The following GNG2 variants were observed in gnomAD, a reference collection of about 807,000 sequenced individuals.
The protein encoded by GNG2 is guanine nucleotide-binding protein G(I)/G(S)/G(O) subunit gamma-2.
Under a neutral mutation model 5.5 loss-of-function variants are expected in GNG2, and 5 were observed. That is an observed-to-expected ratio of 0.91 (90% CI 0.48 to 1.92). The LOEUF is 1.92. Ranked by LOEUF, GNG2 falls within the 30% of genes most tolerant of loss-of-function variation. GNG2 has a pLI of 0.01. For missense variants in GNG2, 55 were observed against 88.4 expected, an observed-to-expected ratio of 0.62 and a Z score of 1.52; for synonymous variants, 28 against 32.0, an observed-to-expected ratio of 0.88 and a Z score of 0.42.
At chr14:51,943,892 A>G (rs535854785) in intron 2 of GNG2, among the ~76,000 whole-genome samples, 1 of 152,336 alleles carries the variant, frequency 6.6e-6, no homozygotes, top group South Asian at 2.1e-4. Context: ...ATTCACTGCA[A>G]TCCATTTCAA....
At position 51,964,223 on chromosome 14, in the gene GNG2, A is replaced by G. The variant is rs74501409; in HGVS notation, c.88-2336A>G. Among the ~76,000 whole-genome samples the G allele has an allele frequency of 8.1e-3, 1,227 of 152,318 alleles. 20 individuals are homozygous for G. The highest frequency in any genetic ancestry group is 0.028 in the African/African-American group (1,150 of 41,574). On this transcript the variant is annotated intron_variant, in intron 3 of 3. Coordinates refer to ENST00000556766, the MANE Select transcript of GNG2 (RefSeq NM_053064.5). ...AGATTGCCAGCAACCACCAGGCACT[A>G]GGAGAGAAGCATGGAACAGATTCTC...
At chr14:51,893,809 A>C (rs1885011737) in intron 2 of GNG2, among the ~76,000 whole-genome samples, 1 of 152,172 alleles carries the variant, frequency 6.6e-6, no homozygotes, top group Non-Finnish European at 1.5e-5. Flanking sequence ...CCAAACAGCC[A>C]ACTCCATGAC....
chr14:51,836,907 G>C (rs1187010397), intron 2 of GNG2, among the ~76,000 whole-genome samples: 2 of 143,332 alleles, frequency 1.4e-5, no homozygotes, highest in African/African-American at 5.2e-5. Context: ...GCCCAGGCCA[G>C]AGTGCAGTGG....
intron 2 of GNG2, among the ~76,000 whole-genome samples, chr14:51,936,836 C>A (rs1594937506): frequency 6.6e-6 from 1 of 152,214 alleles, no homozygotes; most frequent in Middle Eastern, 3.4e-3. Flanking sequence ...AGTCACCACA[C>A]CTAGCTGTGA....
At chr14:51,894,899 C>T (rs1384131233) in intron 2 of GNG2, among the ~76,000 whole-genome samples, 1 of 151,934 alleles carries the variant, frequency 6.6e-6, no homozygotes, top group Non-Finnish European at 1.5e-5. Flanking sequence ...TCATAGTAAA[C>T]CCATTCAAAT....
At chr14:51,868,983 T>C (rs1293632502) in intron 1 of GNG2, among the ~76,000 whole-genome samples, 2 of 152,224 alleles carry the variant, frequency 1.3e-5, no homozygotes, top group African/African-American at 2.4e-5. Flanking sequence ...CTTGATATTA[T>C]CTTTATTTGA....
intron 2 of GNG2, among the ~76,000 whole-genome samples, chr14:51,834,968 G>T (rs1430525227): frequency 2.6e-5 from 4 of 152,184 alleles, no homozygotes; most frequent in African/African-American, 7.2e-5. Context: ...AGTGCTAAAA[G>T]AGCCGAGGGC....
intron 2 of GNG2, among the ~76,000 whole-genome samples, chr14:51,900,518 T>C (rs1733358111): frequency 6.6e-6 from 1 of 150,598 alleles, no homozygotes; most frequent in Admixed American, 6.7e-5. Flanking sequence ...GGGGTTATTT[T>C]TTCATTCAAA....
intron 2 of GNG2, among the ~76,000 whole-genome samples, chr14:51,924,772 T>G (rs1306916947): frequency 6.6e-6 from 1 of 152,242 alleles, no homozygotes; most frequent in African/African-American, 2.4e-5. Context: ...TGTAAATAAT[T>G]GGAGGTAAAC....
chr14:51,924,107 G>A (rs1485954722), intron 2 of GNG2, among the ~76,000 whole-genome samples: 1 of 152,144 alleles, frequency 6.6e-6, no homozygotes, highest in Non-Finnish European at 1.5e-5. Flanking sequence ...ACATCATATT[G>A]AGATTGGCTT....
At chr14:51,840,305 T>G (rs1274143926) in intron 2 of GNG2, among the ~76,000 whole-genome samples, 1 of 152,208 alleles carries the variant, frequency 6.6e-6, no homozygotes, top group East Asian at 1.9e-4. Flanking sequence ...GTACAGTGTC[T>G]GTTGCATCTT....
At chr14:51,891,665 A>G (rs972354495) in intron 2 of GNG2, among the ~76,000 whole-genome samples, 1 of 152,206 alleles carries the variant, frequency 6.6e-6, no homozygotes, top group African/African-American at 2.4e-5. Flanking sequence ...AATAAATGAC[A>G]TCATGCTTCT....
At chr14:51,927,488 C>CA (rs778652507) in intron 2 of GNG2, among the ~76,000 whole-genome samples, 4 of 152,206 alleles carry the variant, frequency 2.6e-5, no homozygotes, top group East Asian at 3.9e-4. Flanking sequence ...CTCTGAAAAA[C>CA]AAAAAAATGC....
chr14:51,905,565 A>G (rs1885862463), intron 2 of GNG2, among the ~76,000 whole-genome samples: 1 of 152,222 alleles, frequency 6.6e-6, no homozygotes, highest in Non-Finnish European at 1.5e-5. Flanking sequence ...TTACTCTTTC[A>G]GTCTGAATGA....
At chr14:51,954,780 C>T (rs1454611525) in intron 3 of GNG2, among the ~76,000 whole-genome samples, 1 of 152,126 alleles carries the variant, frequency 6.6e-6, no homozygotes, top group African/African-American at 2.4e-5. Flanking sequence ...GATGGCTGCC[C>T]ATGGTTCCCA....
chr14:51,851,117 G>T (rs1881888763), intron 2 of GNG2, among the ~76,000 whole-genome samples: 1 of 152,180 alleles, frequency 6.6e-6, no homozygotes, highest in South Asian at 2.1e-4. Flanking sequence ...AATCTAGAGA[G>T]GGTGGAAGGA....
At chr14:51,937,638 T>TA (rs1555356383) in intron 2 of GNG2, among the ~76,000 whole-genome samples, 1 of 132,142 alleles carries the variant, frequency 7.6e-6, no homozygotes, top group African/African-American at 3.0e-5. Flanking sequence ...TTTTTTTTTT[T>TA]ATTATACTCT....
chr14:51,938,943 G>C (rs773709585), intron 2 of GNG2, among the ~76,000 whole-genome samples: 3 of 152,190 alleles, frequency 2.0e-5, no homozygotes, highest in Non-Finnish European at 2.9e-5. Flanking sequence ...TTAACCAATA[G>C]ATAATTTCCT....
At chr14:51,851,795 G>A (rs1008405256) in intron 2 of GNG2, among the ~76,000 whole-genome samples, 5 of 152,132 alleles carry the variant, frequency 3.3e-5, no homozygotes, top group Admixed American at 2.6e-4. Context: ...CAGCTGTGGG[G>A]CATGAACAAC....
Sources: allele counts gnomAD v4.1 joint callset (sites outside exome capture counted in the v4.1 genomes callset), GRCh38; gene constraint gnomAD v4.1.1; transcripts MANE v1.5; gene names NCBI Gene and HGNC (gene_info 2026-07-23, HGNC 2026-07-21).